RAB27A: variants seen among roughly 807,000 people sequenced by gnomAD.
The protein encoded by RAB27A is RAB27A, member RAS oncogene family.
In RAB27A, 17 loss-of-function variants were observed where a neutral mutation model predicts 20.8. The ratio of observed to expected loss-of-function variants is 0.82; its 90% CI spans 0.56 to 1.23. The LOEUF (loss-of-function observed/expected upper bound fraction) is 1.23, where lower values mean the gene tolerates loss of function less well. Ranked by LOEUF, RAB27A falls within the 50% of genes most tolerant of loss-of-function variation. The pLI is 0.00. For missense variants in RAB27A, 277 were observed against 266.7 expected, an observed-to-expected ratio of 1.04 and a Z score of -0.27; for synonymous variants, 85 against 92.8, an observed-to-expected ratio of 0.92 and a Z score of 0.48.
chr15:55,268,439 T>C (rs1270235069), intron 2 of RAB27A, among the ~76,000 whole-genome samples: 4 of 152,332 alleles, frequency 2.6e-5, no homozygotes, highest in East Asian at 3.9e-4. Context: ...TGGGTGAATA[T>C]GAAGTCCTTC....
chr15:55,311,024 C>T (rs547159187), intron 2 of RAB27A, among the ~76,000 whole-genome samples: 29 of 152,314 alleles, frequency 1.9e-4, no homozygotes, highest in African/African-American at 6.7e-4. Flanking sequence ...GCACCAATCT[C>T]CATATCCTGA....
intron 2 of RAB27A, among the ~76,000 whole-genome samples, chr15:55,256,700 A>G (rs1051276031): frequency 6.6e-6 from 1 of 152,212 alleles, no homozygotes; most frequent in African/African-American, 2.4e-5. Context: ...AATTGAGGAG[A>G]GCAGGACGAC....
intron 2 of RAB27A, chr15:55,238,429 C>A (rs1008923751): frequency 6.6e-6 from 1 of 152,168 alleles, no homozygotes; most frequent in East Asian, 1.9e-4. Flanking sequence ...GGGTTTGAAT[C>A]CCAAATCTCC....
At chr15:55,315,465 C>T (rs4558357) in intron 1 of RAB27A, among the ~76,000 whole-genome samples, 73,871 of 151,978 alleles carry the variant, frequency 0.49, 21,256 homozygotes, top group African/African-American at 0.79. Flanking sequence ...TGAGAGTGAA[C>T]AGGCAACCTA....
chr15:55,217,663 CAAAAAA>C (rs199813098), intron 6 of RAB27A, among the ~76,000 whole-genome samples: 219 of 43,492 alleles, frequency 5.0e-3, no homozygotes, highest in African/African-American at 0.018. Context: ...CACTCCATCT[CAAAAAA>C]AAAAAAAAAA....
intron 2 of RAB27A, among the ~76,000 whole-genome samples, chr15:55,305,997 C>T (rs2054995061): frequency 6.6e-6 from 1 of 151,404 alleles, no homozygotes; most frequent in South Asian, 2.1e-4. Context: ...TGTAGATGGT[C>T]ATGGGGGGCA....
intron 1 of RAB27A, among the ~76,000 whole-genome samples, chr15:55,286,571 G>C (rs1240446428): frequency 6.6e-6 from 1 of 152,170 alleles, no homozygotes; most frequent in Admixed American, 6.5e-5. Context: ...CTGAGGGGAA[G>C]AGCATTCCAG....
chr15:55,233,537 G>C (rs557004624), intron 3 of RAB27A, among the ~76,000 whole-genome samples: 21 of 152,290 alleles, frequency 1.4e-4, no homozygotes, highest in African/African-American at 4.6e-4. Flanking sequence ...CAACATGGAA[G>C]ATCCTTGAAA....
upstream of RAB27A, among the ~76,000 whole-genome samples, chr15:55,293,120 C>T (rs887971599): frequency 6.6e-6 from 1 of 152,016 alleles, no homozygotes; most frequent in Non-Finnish European, 1.5e-5. Context: ...CTGCTACTTG[C>T]AACATGGAGA....
At chr15:55,254,418 A>C (rs1205394689) in intron 2 of RAB27A, among the ~76,000 whole-genome samples, 1 of 152,112 alleles carries the variant, frequency 6.6e-6, no homozygotes, top group Admixed American at 6.5e-5. Flanking sequence ...TGAATGTCTA[A>C]GAAATAAAAG....
chr15:55,290,033 T>C (rs544793121), upstream of RAB27A: 5 of 152,356 alleles, frequency 3.3e-5, no homozygotes, highest in African/African-American at 1.2e-4. Flanking sequence ...TAGTTTCCGC[T>C]GCCCCATTCT....
chr15:55,214,174 T>A (rs138693849), intron 6 of RAB27A, among the ~76,000 whole-genome samples: 2 of 152,172 alleles, frequency 1.3e-5, no homozygotes, highest in African/African-American at 2.4e-5. Context: ...CGATGGCTGA[T>A]GCCTGTAATC....
At chr15:55,216,170 T>C (rs1895293841) in intron 6 of RAB27A, among the ~76,000 whole-genome samples, 1 of 152,104 alleles carries the variant, frequency 6.6e-6, no homozygotes, top group African/African-American at 2.4e-5. Flanking sequence ...GTACAAACAA[T>C]AAATGTTTCT....
At chr15:55,218,781 T>C (rs1212714019) in intron 6 of RAB27A, among the ~76,000 whole-genome samples, 2 of 151,912 alleles carry the variant, frequency 1.3e-5, no homozygotes, top group Non-Finnish European at 2.9e-5. Flanking sequence ...CTCGCTCTTT[T>C]GCTCAGGCTG....
intron 1 of RAB27A, among the ~76,000 whole-genome samples, chr15:55,285,993 A>G (rs1446323702): frequency 6.6e-6 from 1 of 152,154 alleles, no homozygotes; most frequent in African/African-American, 2.4e-5. Flanking sequence ...TAAGACTATT[A>G]TTTTTGGGAA....
intron 6 of RAB27A, among the ~76,000 whole-genome samples, chr15:55,212,482 T>C (rs952150525): frequency 6.6e-6 from 1 of 152,072 alleles, no homozygotes; most frequent in Non-Finnish European, 1.5e-5. Flanking sequence ...GACCATACAC[T>C]TGAAGACATT....
chr15:55,302,176 CA>C (rs373778914), intron 2 of RAB27A, among the ~76,000 whole-genome samples: 109 of 119,746 alleles, frequency 9.1e-4, no homozygotes, highest in Non-Finnish European at 1.1e-3. Context: ...GACTCTGTCT[CA>C]AAAAAAAAAA....
intron 1 of RAB27A, among the ~76,000 whole-genome samples, chr15:55,276,760 C>G (rs1052833098): frequency 2.0e-5 from 3 of 152,084 alleles, no homozygotes; most frequent in Non-Finnish European, 2.9e-5. Flanking sequence ...GCTAATAATA[C>G]TGTATTATAT....
intron 1 of RAB27A, among the ~76,000 whole-genome samples, chr15:55,288,508 G>A (rs1898218090): frequency 6.6e-6 from 1 of 151,908 alleles, no homozygotes; most frequent in Non-Finnish European, 1.5e-5. Context: ...GCGACAGAGT[G>A]AGACTCTGTC....
Sources: gnomAD v4.1 joint callset for allele counts (sites outside exome capture counted in the v4.1 genomes callset) on GRCh38, gnomAD v4.1.1 for gene constraint, MANE v1.5 for transcripts, NCBI Gene and HGNC (gene_info 2026-07-23, HGNC 2026-07-21) for gene names.